The following MIGA2 variants were observed in gnomAD, a reference collection of about 807,000 sequenced individuals.
MIGA2 encodes mitoguardin 2, also known as family with sequence similarity 73, member B.
Under a neutral mutation model 69.9 loss-of-function variants are expected in MIGA2, and 36 were observed. The ratio of observed to expected loss-of-function variants is 0.52; its 90% CI spans 0.39 to 0.68. MIGA2 has a LOEUF of 0.68. MIGA2 is among the 30% of genes least tolerant of loss of function. The probability of loss-of-function intolerance (pLI) is 0.00; values close to 1 mark genes in which losing one functional copy is unlikely to be tolerated. For synonymous variants in MIGA2, 333 were observed against 349.2 expected (o/e 0.95, Z 0.52); for missense variants, 660 against 787.7 (o/e 0.84, Z 1.94).
At chr9:129,049,317 AG>A in intron 4 of MIGA2, 63 bp from the exon 5 acceptor site, 5 of 1,514,082 alleles carry the variant, frequency 3.3e-6, no homozygotes, top group Non-Finnish European at 3.6e-6. Context: ...AGGAGGGCTC[AG>A]GGGGGCCCTG....
intron 6 of MIGA2, among the ~76,000 whole-genome samples, chr9:129,050,306 C>T (rs1248779493): frequency 1.3e-5 from 2 of 152,196 alleles, no homozygotes; most frequent in African/African-American, 2.4e-5. Context: ...GATGGAGTCT[C>T]GCTCTGTTGC....
At chr9:129,062,851 A>C (rs1237493793) in intron 9 of MIGA2, among the ~76,000 whole-genome samples, 1 of 152,204 alleles carries the variant, frequency 6.6e-6, no homozygotes, top group Admixed American at 6.5e-5. Flanking sequence ...CTAAAAAAAA[A>C]AAAAAGTTCA....
chr9:129,070,258 G>T lies in MIGA2; in HGVS notation c.1587G>T (p.Val529=), dbSNP rs746887675. 9.3e-6 allele frequency: 15 copies of T among 1,612,700 alleles called. No individual in the cohort carries two copies. In the Admixed American group the frequency reaches 2.5e-4, roughly 27 times the overall value. ...CCCTGCTCCCCCAGCACCAGATTGT[G>T]CAGTACCTGAGGGACATGTTCGACC... ...EVCAFFKHQI[V]QYLRDMFDLD... The change falls in exon 16 of 16, where the codon GTG becomes GTT. Residue 529 remains valine (V), a synonymous_variant. Coordinates refer to ENST00000684074, the MANE Select transcript of MIGA2 (RefSeq NM_001329990.2).
At chr9:129,046,532 A>C (rs879778426) in intron 3 of MIGA2, among the ~76,000 whole-genome samples, 13 of 149,520 alleles carry the variant, frequency 8.7e-5, no homozygotes, top group Non-Finnish European at 1.8e-4. Context: ...ATCTTGGCTC[A>C]CTGCAACCTC....
chr9:129,053,345 T>G lies in MIGA2; in HGVS notation c.675+3382T>G, dbSNP rs148099560. On this transcript the variant is annotated intron_variant, in intron 6 of 15. Coordinates refer to ENST00000684074, the MANE Select transcript of MIGA2 (RefSeq NM_001329990.2). ...CACCACTTTCTATTCCTTCAGGCATTTTTTTCTGTCTATTGCTATAATTTT... is the reference window on the plus strand; with the variant it reads ...CACCACTTTCTATTCCTTCAGGCATGTTTTTCTGTCTATTGCTATAATTTT... 3.9e-5 allele frequency among the ~76,000 whole-genome samples: 6 copies of G among 152,250 alleles called. No homozygotes were observed. In the East Asian group the frequency reaches 1.2e-3, roughly 29 times the overall value.
intron 11 of MIGA2, among the ~76,000 whole-genome samples, chr9:129,064,633 G>A (rs1291975232): frequency 2.0e-5 from 3 of 151,934 alleles, no homozygotes; most frequent in African/African-American, 7.3e-5. Context: ...TGCTGCCCTT[G>A]GGGTGAAGGC....
At chr9:129,041,187 T>G (rs1158471765) in intron 2 of MIGA2, among the ~76,000 whole-genome samples, 5 of 152,114 alleles carry the variant, frequency 3.3e-5, no homozygotes, top group Non-Finnish European at 5.9e-5. Context: ...GTACAAAAAT[T>G]AGCCAAGCAT....
In MIGA2 at chr9:129,040,554, C is replaced by A; in HGVS notation, c.-41C>A. On this transcript the variant is annotated 5_prime_UTR_variant, in exon 2 of 16. Transcript: ENST00000684074. ...CAGTTGAAGACGTTCTCCTTGGAAG[C>A]TCTTGGCCCTGAGGACTTTGCCTGG... 6.3e-7 allele frequency: 1 copy of A among 1,591,232 alleles called. No individual in the cohort carries two copies.
At chr9:129,047,520 C>T (rs1006231646) in intron 3 of MIGA2, among the ~76,000 whole-genome samples, 3 of 152,030 alleles carry the variant, frequency 2.0e-5, no homozygotes, top group Admixed American at 6.6e-5. Flanking sequence ...TCAAGCGATT[C>T]TCCTGCCTCA....
In MIGA2 at chr9:129,071,535, G is replaced by T. The variant is rs1846680004; in HGVS notation, c.*1082G>T. 1 of 152,246 alleles carries T rather than the reference G, an allele frequency of 6.6e-6. No individual in the cohort carries two copies. The highest frequency in any genetic ancestry group is 2.4e-5 in the African/African-American group (1 of 41,458). 9.4% of individuals were successfully genotyped at this position (152,246 alleles called of 1,614,324 possible). On this transcript the variant is annotated 3_prime_UTR_variant, in exon 16 of 16. Coordinates refer to ENST00000684074, the MANE Select transcript of MIGA2 (RefSeq NM_001329990.2). ...TTCTGCTGTGGCTCTGCCCTTTCCA[G>T]GTTGAGAGGCCTGCAGGAGAAACAC...
rs574272822 is a variant in MIGA2, at chr9:129,066,499, C to T, written c.1171-1274C>T. ...ACCATCCTGGCTAGCACAGTGAAAC[C>T]CCGTCTCTACTAAAAATACAAAAAA... On this transcript the variant is annotated intron_variant, in intron 11 of 15. Transcript: ENST00000684074. Among the ~76,000 whole-genome samples, 97 of 151,062 alleles carry T rather than the reference C, an allele frequency of 6.4e-4. 1 individual carries two copies. The highest frequency in any genetic ancestry group is 2.1e-3 in the African/African-American group (87 of 41,070).
chr9:129,048,402 A>G, intron 3 of MIGA2, 25 bp from the exon 4 acceptor site: 1 of 1,593,792 alleles, frequency 6.3e-7, no homozygotes, highest in South Asian at 1.1e-5. Context: ...TGCCTGTGTG[A>G]CGCCTGCCCT....
In MIGA2 at chr9:129,060,673, C is replaced by T. The variant is rs937288035; in HGVS notation, c.894+23C>T. The T allele has an allele frequency of 1.3e-6, 2 of 1,554,100 alleles. No individual in the cohort carries two copies. The highest frequency in any genetic ancestry group is 1.7e-6 in the Non-Finnish European group (2 of 1,146,380). ...GAGGTGACTCGGGGTGGGGACCAAGCCTGGGGTGGGGTGAAGGCTGGGCCT... is the reference window on the plus strand; with the variant it reads ...GAGGTGACTCGGGGTGGGGACCAAGTCTGGGGTGGGGTGAAGGCTGGGCCT... On this transcript the variant is annotated intron_variant, in intron 8 of 15. Transcript: ENST00000684074. This position sits in a 1 kb window ranked among gnomAD's most constrained non-coding sequence, Gnocchi z 4.8.
At chr9:129,062,853 A>AT (rs1846138948) in intron 9 of MIGA2, among the ~76,000 whole-genome samples, 1 of 152,192 alleles carries the variant, frequency 6.6e-6, no homozygotes, top group Non-Finnish European at 1.5e-5. Context: ...AAAAAAAAAA[A>AT]AAAGTTCACT....
chr9:129,054,679 A>G (rs1324191888), intron 6 of MIGA2, among the ~76,000 whole-genome samples: 1 of 152,190 alleles, frequency 6.6e-6, no homozygotes, highest in Non-Finnish European at 1.5e-5. Context: ...TCTGTGTTGC[A>G]GCATGAATCA....
intron 3 of MIGA2, chr9:129,047,270 G>C (rs1178527381): frequency 6.6e-6 from 1 of 151,960 alleles, no homozygotes; most frequent in African/African-American, 2.4e-5. Context: ...GTAGAGACAG[G>C]CTTTCACCAC....
rs1330321978 is a variant in MIGA2 at position 129,059,399 on chromosome 9, G to A, written c.793+128G>A. 6 of 687,002 alleles carry A rather than the reference G, an allele frequency of 8.7e-6. No individual in the cohort carries two copies. Among genetic ancestry groups the A allele is most frequent in the Non-Finnish European group, 1.5e-5 (6 of 395,940 alleles). The allele number at this position is 687,002 out of a possible 1,614,324, so 42.6% of individuals were successfully genotyped here. On this transcript the variant is annotated intron_variant, in intron 7 of 15. Transcript: ENST00000684074. The surrounding 1 kb of genome is among the most constrained non-coding windows in gnomAD (Gnocchi z 5.6). ...TGAATCAGAATCCCCAGGGCTCTCCGACCTCGCGTGATCCAGCACCTTATG... is the reference window on the plus strand; with the variant it reads ...TGAATCAGAATCCCCAGGGCTCTCCAACCTCGCGTGATCCAGCACCTTATG...
intron 15 of MIGA2, 75 bp downstream of exon 15, chr9:129,070,040 G>A: frequency 1.5e-6 from 2 of 1,348,744 alleles, no homozygotes; most frequent in African/African-American, 1.5e-5. Flanking sequence ...GCCAGGAATG[G>A]GATGAGGGCC....
intron 11 of MIGA2, among the ~76,000 whole-genome samples, chr9:129,065,128 G>A (rs1315839894): frequency 1.3e-5 from 2 of 150,598 alleles, no homozygotes; most frequent in African/African-American, 2.4e-5. Context: ...ATACACATAG[G>A]AGAGAGTGTA....
Sources: allele counts gnomAD v4.1 joint callset (sites outside exome capture counted in the v4.1 genomes callset), GRCh38; gene constraint gnomAD v4.1.1; non-coding constraint Gnocchi (gnomAD v3.1); transcripts MANE v1.5; gene names NCBI Gene and HGNC (gene_info 2026-07-23, HGNC 2026-07-21).